Variants in PHAF1 observed in about 807,000 individuals in gnomAD.
PHAF1 encodes the protein phagosome assembly factor 1.
PHAF1 carries 23 observed loss-of-function variants against 63.1 expected under a neutral mutation model. The ratio of observed to expected loss-of-function variants is 0.36; its 90% CI spans 0.26 to 0.52. The LOEUF (loss-of-function observed/expected upper bound fraction) is 0.52, where lower values mean the gene tolerates loss of function less well. Among genes scored for constraint, PHAF1 ranks in the 20% least tolerant of loss-of-function variants. The pLI is 0.93. For missense variants in PHAF1, 427 were observed against 517.2 expected (o/e 0.83, Z 1.69); for synonymous variants, 167 against 185.0 (o/e 0.90, Z 0.79).
intron 1 of PHAF1, among the ~76,000 whole-genome samples, chr16:67,112,542 A>G (rs924216560): frequency 6.6e-6 from 1 of 151,342 alleles, no homozygotes; most frequent in African/African-American, 2.4e-5. Flanking sequence ...TCTCAAGGAG[A>G]CAAAAAAAAA....
Position 67,147,359 on chromosome 16 carries a change from A to T in PHAF1, c.*228A>T. ...GGTGCCAGCAGGGGACACAGACTGC[A>T]AAGAGAAGCACAAAGTTTGAGCCTT... On this transcript the variant is annotated 3_prime_UTR_variant, in exon 16 of 16. Transcript: ENST00000219139. 5.7e-6 allele frequency: 3 copies of T among 528,486 alleles called. No individual in the cohort carries two copies. Among genetic ancestry groups the T allele is most frequent in the Non-Finnish European group, 3.4e-6 (1 of 297,946 alleles). 32.7% of individuals were successfully genotyped at this position (528,486 alleles called of 1,614,324 possible).
intron 4 of PHAF1, 56 bp from the exon 5 acceptor site, chr16:67,132,390 T>C: frequency 7.1e-7 from 1 of 1,411,246 alleles, no homozygotes; most frequent in Middle Eastern, 1.8e-4. Context: ...CTATCTCACA[T>C]GATCTGTGGG....
intron 3 of PHAF1, among the ~76,000 whole-genome samples, chr16:67,129,404 T>C (rs1358379121): frequency 6.6e-6 from 1 of 152,252 alleles, no homozygotes; most frequent in Non-Finnish European, 1.5e-5. Context: ...GGAGCAGTTC[T>C]TTCTAGCAGA....
intron 2 of PHAF1, among the ~76,000 whole-genome samples, chr16:67,122,190 G>A (rs367706140): frequency 1.3e-5 from 2 of 151,954 alleles, no homozygotes; most frequent in East Asian, 1.9e-4. Flanking sequence ...GTGAGCCACC[G>A]TGACCGGCCA....
chr16:67,132,551 T>A, intron 5 of PHAF1, 26 bp downstream of exon 5: 1 of 1,601,054 alleles, frequency 6.2e-7, no homozygotes, highest in Admixed American at 1.7e-5. Context: ...CTGATTCCTC[T>A]GGTCATCAGT....
chr16:67,139,712 G>A, intron 8 of PHAF1: 1 of 424,812 alleles, frequency 2.4e-6, no homozygotes, highest in Non-Finnish European at 4.2e-6. Context: ...CCTAGCCCAT[G>A]GTAGGCAATA....
chr16:67,146,978 C>T (rs1210793412), intron 15 of PHAF1, 67 bp from the exon 16 acceptor site: 1 of 1,416,122 alleles, frequency 7.1e-7, no homozygotes, highest in East Asian at 2.3e-5. Context: ...CTCCAGCCCT[C>T]ATGCACAGGA....
chr16:67,141,546 C>T (rs1238751948), intron 10 of PHAF1, among the ~76,000 whole-genome samples: 1 of 152,210 alleles, frequency 6.6e-6, no homozygotes, highest in South Asian at 2.1e-4. Flanking sequence ...CAGCCTGGAT[C>T]CCATGCCTGC....
At chr16:67,115,180 T>C (rs1962689296) in intron 1 of PHAF1, among the ~76,000 whole-genome samples, 1 of 152,234 alleles carries the variant, frequency 6.6e-6, no homozygotes, top group African/African-American at 2.4e-5. Flanking sequence ...CAGATGTGCA[T>C]GACCACCTAC....
intron 3 of PHAF1, 82 bp downstream of exon 3, chr16:67,126,124 G>A (rs1963178919): frequency 1.8e-6 from 2 of 1,093,540 alleles, no homozygotes; most frequent in Non-Finnish European, 2.8e-6. Context: ...ATTGTGAGAT[G>A]TTTCAAAACT....
intron 2 of PHAF1, among the ~76,000 whole-genome samples, chr16:67,124,074 C>T (rs1272587697): frequency 1.3e-5 from 2 of 151,632 alleles, no homozygotes; most frequent in Admixed American, 6.6e-5. Context: ...TTGAAAATTG[C>T]TAGGTTATAT....
intron 9 of PHAF1, 75 bp from the exon 10 acceptor site, chr16:67,140,436 A>G: frequency 7.8e-7 from 1 of 1,276,104 alleles, no homozygotes; most frequent in South Asian, 1.2e-5. Context: ...ATGGAACACA[A>G]TTTGTAGACT....
chr16:67,109,978 C>A lies in PHAF1; in HGVS notation c.-198C>A. The A allele has an allele frequency of 3.7e-6, 2 of 535,224 alleles. No homozygotes were observed. Among genetic ancestry groups the A allele is most frequent in the Non-Finnish European group, 6.5e-6 (2 of 307,068 alleles). 33.2% of individuals were successfully genotyped at this position (535,224 alleles called of 1,614,324 possible). On this transcript the variant is annotated 5_prime_UTR_variant, in exon 1 of 16. Coordinates refer to ENST00000219139, the MANE Select transcript of PHAF1 (RefSeq NM_025187.5). ...GCCGCCGTCGTTGCCCCCGCTGCCG[C>A]GGCTGCTGCAGGTGAGGTGAAGTGA...
At chr16:67,124,349 G>A (rs1963099649) in intron 2 of PHAF1, among the ~76,000 whole-genome samples, 1 of 152,206 alleles carries the variant, frequency 6.6e-6, no homozygotes, top group African/African-American at 2.4e-5. Context: ...AGACCTACTA[G>A]CAAATACAAC....
At chr16:67,137,142 A>G (rs1489288444) in intron 8 of PHAF1, among the ~76,000 whole-genome samples, 2 of 151,568 alleles carry the variant, frequency 1.3e-5, no homozygotes, top group Non-Finnish European at 2.9e-5. Context: ...GCGACAGAGC[A>G]AGACTCCTTC....
chr16:67,134,685 C>A, intron 8 of PHAF1: 1 of 651,826 alleles, frequency 1.5e-6, no homozygotes, highest in South Asian at 1.5e-5. Context: ...TCTGGATGCG[C>A]CTGCAGTCTA....
intron 10 of PHAF1, among the ~76,000 whole-genome samples, chr16:67,143,374 C>G (rs1370519256): frequency 1.3e-5 from 2 of 152,040 alleles, no homozygotes; most frequent in Admixed American, 1.3e-4. Flanking sequence ...CCCATCTCCA[C>G]TAAAATTACA....
In PHAF1 at chr16:67,134,115, T is replaced by G. The variant is rs1963520829; in HGVS notation, c.451-53T>G. The stretch of plus-strand genomic sequence containing the variant: ...ATGAGTGACAGGGAAGACCAGAGCC[T>G]GAGTCCCATCACCTGTTGTGCCCTA... On this transcript the variant is annotated intron_variant, in intron 6 of 15. Coordinates refer to ENST00000219139, the MANE Select transcript of PHAF1 (RefSeq NM_025187.5). 11 of 1,449,636 alleles carry G rather than the reference T, an allele frequency of 7.6e-6. No homozygotes were observed. The East Asian group carries it at 9.1e-5, about 12-fold the overall frequency. The allele number at this position is 1,449,636 out of a possible 1,614,324, so 89.8% of individuals were successfully genotyped here.
intron 3 of PHAF1, 29 bp downstream of exon 3, chr16:67,126,071 T>C (rs1170217803): frequency 6.5e-7 from 1 of 1,539,044 alleles, no homozygotes; most frequent in East Asian, 2.2e-5. Flanking sequence ...TAATGTTTCA[T>C]GTCCAGCTGG....
Sources: gnomAD v4.1 joint callset for allele counts (sites outside exome capture counted in the v4.1 genomes callset) on GRCh38, gnomAD v4.1.1 for gene constraint, MANE v1.5 for transcripts, NCBI Gene and HGNC (gene_info 2026-07-23, HGNC 2026-07-21) for gene names.